Variants in GHRHR observed in about 807,000 individuals in gnomAD.
GHRHR encodes the protein growth hormone-releasing hormone receptor.
GHRHR carries 40 observed loss-of-function variants against 58.3 expected under a neutral mutation model. That is an observed-to-expected ratio of 0.69 (90% CI 0.53 to 0.89). The LOEUF (loss-of-function observed/expected upper bound fraction) is 0.89. Ranked by LOEUF, GHRHR falls within the 40% of genes least tolerant of loss-of-function variation. The pLI is 0.00. For missense variants in GHRHR, 551 were observed against 541.3 expected, an observed-to-expected ratio of 1.02 and a Z score of -0.18; for synonymous variants, 249 against 216.6, an observed-to-expected ratio of 1.15 and a Z score of -1.31.
chr7:30,969,269 A>G lies in GHRHR; in HGVS notation c.268+99A>G, dbSNP rs185014978. On this transcript the variant is annotated intron_variant, in intron 3 of 12. Coordinates refer to ENST00000326139, the MANE Select transcript of GHRHR (RefSeq NM_000823.4). ...TGGGGGCAGGCTAACCTGGGTTTGT[A>G]TACCAACTTCCCCTCTTCTGGGGTG... is the stretch of plus-strand genomic sequence containing the variant. The G allele has an allele frequency of 2.5e-4, 205 of 828,566 alleles. 6 individuals carry two copies. The African/African-American group carries it at 2.7e-3, about 11-fold the overall frequency. 51.3% of individuals were successfully genotyped at this position (828,566 alleles called of 1,614,324 possible). A position where few individuals can be genotyped will look rare whatever the true frequency, so the allele number is the denominator to read the frequency against.
chr7:30,969,191 C>T (rs967674479), intron 3 of GHRHR, 21 bp downstream of exon 3: 49 of 1,457,290 alleles, frequency 3.4e-5, no homozygotes, highest in East Asian at 1.7e-4. Context: ...CTGGGTGTGG[C>T]GGTGGGAAAG....
rs758281879 is a variant in GHRHR at position 30,974,009 on chromosome 7, G to A, written c.622G>A (p.Ala208Thr). 2.5e-5 allele frequency: 40 copies of A among 1,613,616 alleles called. No individual in the cohort carries two copies. Among genetic ancestry groups the A allele is most frequent in the East Asian group, 4.5e-5 (2 of 44,876 alleles). Residue 208 changes from alanine to threonine, a missense_variant, in exon 7 of 13, where the codon GCC (alanine) becomes ACC (threonine). Coordinates refer to ENST00000326139, the MANE Select transcript of GHRHR (RefSeq NM_000823.4). ...GGTTCTATGCAAGGTCTCTGTGGCC[G>A]CCTCCCATTTCGCCACCATGACCAA... ...STVLCKVSVA[A>T]SHFATMTNFS...
rs777718663 is a variant in GHRHR at position 30,976,507 on chromosome 7, T to C, written c.1053T>C (p.Asn351=). Residue 351 remains asparagine (N), a synonymous_variant, in exon 11 of 13, where the codon AAT becomes AAC. Coordinates refer to ENST00000326139, the MANE Select transcript of GHRHR (RefSeq NM_000823.4). ...TCATCTTCAACTTCCTGCCAGACAA[T>C]GCTGGCCTGGGCATCCGCCTCCCCC... ...HYIIFNFLPD[N]AGLGIRLPLE... is the part of the protein sequence containing the mutation. 2 of 1,612,956 alleles carry C rather than the reference T, an allele frequency of 1.2e-6. No individual in the cohort carries two copies. The highest frequency in any genetic ancestry group is 2.2e-5 in the East Asian group (1 of 44,866).
chr7:30,970,882 A>T (rs1482882360), intron 4 of GHRHR: 3 of 582,726 alleles, frequency 5.1e-6, no homozygotes, highest in Non-Finnish European at 9.3e-6. Context: ...CATGAATGTT[A>T]AGCATCTCCA....
In GHRHR at chr7:30,979,204, C is replaced by T; in HGVS notation, c.1232C>T (p.Pro411Leu). The T allele has an allele frequency of 6.2e-7, 1 of 1,614,082 alleles. No individual in the cohort carries two copies. Among genetic ancestry groups the T allele is most frequent in the Non-Finnish European group, 8.5e-7 (1 of 1,179,914 alleles). ...AWRTRAKWTT[P>L]SRSAAKVLTS... is the part of the protein sequence containing the mutation. ...AGGACCCGTGCTAAGTGGACCACGC[C>T]TTCCCGCTCGGCGGCAAAGGTGCTG... Residue 411 changes from proline (P) to leucine (L), a missense_variant, in exon 13 of 13, where the codon CCT (proline) becomes CTT (leucine). Coordinates refer to ENST00000326139, the MANE Select transcript of GHRHR (RefSeq NM_000823.4).
At chr7:30,973,862 A>T (rs1290600518) in intron 6 of GHRHR, 123 bp from the exon 7 acceptor site, 2 of 926,294 alleles carry the variant, frequency 2.2e-6, no homozygotes, top group Admixed American at 3.6e-5. Context: ...TGGCCCAAGG[A>T]GCTGCAGGTC....
intron 8 of GHRHR, 130 bp downstream of exon 8, chr7:30,974,619 G>T: frequency 1.3e-6 from 1 of 757,308 alleles, no homozygotes. Context: ...GATGGGGGGT[G>T]GGAGAACAGT....
At chr7:30,967,708 TC>T (rs1792387124) in intron 1 of GHRHR, among the ~76,000 whole-genome samples, 1 of 152,006 alleles carries the variant, frequency 6.6e-6, no homozygotes, top group Non-Finnish European at 1.5e-5. Flanking sequence ...CTTCCTGCCT[TC>T]CTTCCCTCCT....
chr7:30,966,180 T>A (rs1363393698), intron 1 of GHRHR, among the ~76,000 whole-genome samples: 1 of 152,032 alleles, frequency 6.6e-6, no homozygotes, highest in African/African-American at 2.4e-5. Context: ...TTTTCTCCTA[T>A]CCCACAAATC....
intron 8 of GHRHR, 108 bp from the exon 9 acceptor site, chr7:30,974,863 G>A: frequency 2.5e-6 from 2 of 809,050 alleles, no homozygotes; most frequent in Admixed American, 3.4e-5. Context: ...GAAAAGGCTG[G>A]AGGGGAGGTG....
intron 1 of GHRHR, among the ~76,000 whole-genome samples, chr7:30,966,280 C>T (rs1792348725): frequency 6.6e-6 from 1 of 152,156 alleles, no homozygotes; most frequent in African/African-American, 2.4e-5. Context: ...CTGACCCCAG[C>T]CCTGGTCTTA....
rs1313808810 is a variant in GHRHR at position 30,969,162 on chromosome 7, C to A, written c.260C>A (p.Ser87Ter). The A allele has an allele frequency of 6.4e-7, 1 of 1,558,650 alleles. No homozygotes were observed. Residue 87 changes from serine to a stop codon, truncating the protein, a stop_gained, in exon 3 of 13, where the codon TCA becomes TAA. Transcript: ENST00000326139. LOFTEE classifies it high-confidence loss of function. ...PCPDFFSHFSSESGAVKRDCT... is the reference protein window; with the variant it reads ...PCPDFFSHFS ...CCGGATTTCTTCTCTCACTTCAGCT[C>A]AGAGTCAGGTGAGGGGTGCTGGGTG...
Position 30,969,785 on chromosome 7 carries a change from C to A in GHRHR, c.269-82C>A, listed in dbSNP as rs1456610863. Reference sequence around the variant, plus strand: ...CTGTCCATGCAAACCCTGCCAGGGTCACTTGATGGTCCCTGGCACCCCCAG... The same window carrying A: ...CTGTCCATGCAAACCCTGCCAGGGTAACTTGATGGTCCCTGGCACCCCCAG... On this transcript the variant is annotated intron_variant, in intron 3 of 12. Coordinates refer to ENST00000326139, the MANE Select transcript of GHRHR (RefSeq NM_000823.4). 3 of 1,338,136 alleles carry A rather than the reference C, an allele frequency of 2.2e-6. No homozygotes were observed. In the East Asian group the frequency reaches 6.9e-5, roughly 31 times the overall value. The allele number at this position is 1,338,136 out of a possible 1,614,324, so 82.9% of individuals were successfully genotyped here. A position where few individuals can be genotyped will look rare whatever the true frequency, so the allele number is the denominator to read the frequency against.
intron 1 of GHRHR, 92 bp downstream of exon 1, chr7:30,964,217 G>C: frequency 8.8e-7 from 1 of 1,133,048 alleles, no homozygotes; most frequent in South Asian, 1.3e-5. Flanking sequence ...AGACCCTACT[G>C]CCCTTCTCCT....
At chr7:30,972,662 C>T (rs1349778409) in intron 6 of GHRHR, among the ~76,000 whole-genome samples, 2 of 152,140 alleles carry the variant, frequency 1.3e-5, no homozygotes, top group East Asian at 1.9e-4. Flanking sequence ...ACAGGAGGAC[C>T]TGGGCCATGT....
chr7:30,977,361 T>C (rs759718072), intron 12 of GHRHR, 39 bp downstream of exon 12: 48 of 1,588,112 alleles, frequency 3.0e-5, no homozygotes, highest in Non-Finnish European at 4.0e-5. Context: ...GGAGTCCCCC[T>C]CCCACCAGAC....
rs192666262 is a variant in GHRHR at position 30,974,618 on chromosome 7, T to C, written c.812+129T>C. Reference sequence around the variant, plus strand: ...GGGACTGCCCGGCTAGGATGGGGGGTGGGAGAACAGTCTGTGAGTAGCACA... The same window carrying C: ...GGGACTGCCCGGCTAGGATGGGGGGCGGGAGAACAGTCTGTGAGTAGCACA... On this transcript the variant is annotated intron_variant, in intron 8 of 12. Transcript: ENST00000326139. 5.2e-3 allele frequency: 3,943 copies of C among 753,074 alleles called. 25 individuals carry two copies. The highest frequency in any genetic ancestry group is 8.0e-3 in the Non-Finnish European group (3,333 of 415,608). The allele number at this position is 753,074 out of a possible 1,614,324, so 46.6% of individuals were successfully genotyped here.
intron 1 of GHRHR, among the ~76,000 whole-genome samples, chr7:30,967,525 A>G (rs753107950): frequency 1.3e-5 from 2 of 152,094 alleles, no homozygotes; most frequent in South Asian, 4.2e-4. Flanking sequence ...CTACACATCC[A>G]TGAAGCCACA....
chr7:30,976,840 C>T (rs1792595313), intron 11 of GHRHR, among the ~76,000 whole-genome samples: 1 of 151,840 alleles, frequency 6.6e-6, no homozygotes. Flanking sequence ...ATCCATCCAT[C>T]CATCCATCCA....
Sources: gnomAD v4.1 joint callset for allele counts (sites outside exome capture counted in the v4.1 genomes callset) on GRCh38, gnomAD v4.1.1 for gene constraint, MANE v1.5 for transcripts, NCBI Gene and HGNC (gene_info 2026-07-23, HGNC 2026-07-21) for gene names.